Variants in CCDC39 observed in about 807,000 individuals in gnomAD.
CCDC39 encodes the protein coiled-coil domain 39 molecular ruler complex subunit.
A neutral mutation model predicts 121.0 loss-of-function variants in CCDC39; 113 were observed. The observed-to-expected ratio is 0.93, with a 90% CI of 0.80 to 1.09. The LOEUF (loss-of-function observed/expected upper bound fraction) is 1.09. Ranked by LOEUF, CCDC39 falls within the 50% of genes least tolerant of loss-of-function variation. The pLI, the probability that CCDC39 is intolerant of heterozygous loss-of-function variation, is 0.00. For synonymous variants in CCDC39, 349 were observed against 352.2 expected (o/e 0.99, Z 0.10); for missense variants, 1,063 against 1,074.7 (o/e 0.99, Z 0.15).
intron 1 of CCDC39, among the ~76,000 whole-genome samples, chr3:180,674,479 C>T (rs1429411480): frequency 1.3e-5 from 2 of 152,114 alleles, no homozygotes; most frequent in African/African-American, 2.4e-5. Flanking sequence ...TTTCTTTATC[C>T]TGCCTGATTG....
intron 14 of CCDC39, among the ~76,000 whole-genome samples, chr3:180,625,920 CTGGTGTTAG>C (rs1195304096): frequency 6.6e-6 from 1 of 151,880 alleles, no homozygotes; most frequent in East Asian, 1.9e-4. Context: ...TATACTGTCA[CTGGTGTTAG>C]TGGATCCTGG....
intron 7 of CCDC39, among the ~76,000 whole-genome samples, chr3:180,653,068 T>A (rs1711511154): frequency 6.6e-6 from 1 of 152,234 alleles, no homozygotes; most frequent in Non-Finnish European, 1.5e-5. Context: ...ATGGTCATAC[T>A]ATTCAAAGCG....
chr3:180,656,469 T>C (rs574727095), intron 6 of CCDC39, among the ~76,000 whole-genome samples: 49 of 152,360 alleles, frequency 3.2e-4, no homozygotes, highest in African/African-American at 1.2e-3. Context: ...ATGAACTGTT[T>C]TGCAGGAAGA....
rs776301372 is a variant in CCDC39 at position 180,631,565 on chromosome 3, TTTAC to T, written c.1898_1901del (p.Ser633LysfsTer5). The T allele has an allele frequency of 6.2e-7, 1 of 1,608,834 alleles. No homozygotes were observed. The highest frequency in any genetic ancestry group is 8.5e-7 in the Non-Finnish European group (1 of 1,179,304). ...CATATCTATTCTTCAGCTTCTCAAT[TTTAC>T]TTAGCCGCTCGCGAAACTCAGTGCT... On this transcript the variant is annotated frameshift_variant, in exon 14 of 20. Coordinates refer to ENST00000476379, the MANE Select transcript of CCDC39 (RefSeq NM_181426.2). LOFTEE classifies it high-confidence loss of function.
chr3:180,676,837 T>C (rs1171830169), intron 1 of CCDC39, among the ~76,000 whole-genome samples: 1 of 152,022 alleles, frequency 6.6e-6, no homozygotes, highest in Non-Finnish European at 1.5e-5. Context: ...TCATGTCCTT[T>C]GTAGGGACAT....
chr3:180,624,375 A>G (rs1199704273), intron 14 of CCDC39, among the ~76,000 whole-genome samples: 2 of 152,030 alleles, frequency 1.3e-5, no homozygotes, highest in African/African-American at 4.8e-5. Flanking sequence ...CACCATCTAT[A>G]TGTTTTAATT....
chr3:180,644,355 A>G, intron 11 of CCDC39, 98 bp from the exon 12 acceptor site: 1 of 663,784 alleles, frequency 1.5e-6, no homozygotes, highest in Non-Finnish European at 2.4e-6. Flanking sequence ...TAAATTATAT[A>G]CTCAGATATT....
In CCDC39 at chr3:180,616,462, GTTTTTA is replaced by G. The variant is rs1228275415; in HGVS notation, c.2586+48_2586+53del. ...TCACTTCATGATGAATGTCATGAAA[GTTTTTA>G]TTTTCATGAAGTTTTTAAGAAATAT... On this transcript the variant is annotated intron_variant, in intron 18 of 19. Transcript: ENST00000476379. 3.3e-5 allele frequency: 49 copies of G among 1,497,226 alleles called. 1 individual carries two copies. The highest frequency in any genetic ancestry group is 2.5e-4 in the South Asian group (18 of 72,986). 92.7% of individuals were successfully genotyped at this position (1,497,226 alleles called of 1,614,324 possible).
At chr3:180,676,566 A>G (rs983651989) in intron 1 of CCDC39, among the ~76,000 whole-genome samples, 8 of 152,238 alleles carry the variant, frequency 5.3e-5, no homozygotes, top group Non-Finnish European at 8.8e-5. Flanking sequence ...TAGTTCAACC[A>G]TTGTGGAAGA....
At chr3:180,651,763 C>T (rs541504071) in intron 8 of CCDC39, among the ~76,000 whole-genome samples, 25 of 152,158 alleles carry the variant, frequency 1.6e-4, no homozygotes, top group Non-Finnish European at 2.2e-4. Flanking sequence ...GCTGGCCAGG[C>T]GCGGTGGCTC....
At chr3:180,668,008 G>T (rs563919116) in intron 1 of CCDC39, among the ~76,000 whole-genome samples, 1 of 152,148 alleles carries the variant, frequency 6.6e-6, no homozygotes, top group African/African-American at 2.4e-5. Context: ...AGGTTCAGGC[G>T]AAGGCAGGTT....
chr3:180,622,995 G>C (rs529433168), intron 14 of CCDC39, among the ~76,000 whole-genome samples: 3 of 151,826 alleles, frequency 2.0e-5, no homozygotes, highest in Non-Finnish European at 4.4e-5. Context: ...AGGAGGATTT[G>C]TATTAGTTCT....
intron 9 of CCDC39, among the ~76,000 whole-genome samples, 154 bp from the exon 10 acceptor site, chr3:180,648,513 C>CCA (rs910238907): frequency 5.0e-4 from 76 of 152,274 alleles, no homozygotes; most frequent in African/African-American, 1.8e-3. Flanking sequence ...TAACAAGTCC[C>CCA]CAGCATTTCT....
Position 180,631,555 on chromosome 3 carries a change from G to C in CCDC39, c.1912C>G (p.Leu638Val). Residue 638 changes from leucine to valine, a missense_variant, in exon 14 of 20, where the codon CTG (leucine) becomes GTG (valine). Physicochemically the swap from Leu to Val is conservative, Grantham distance 32 (BLOSUM62 1). Coordinates refer to ENST00000476379, the MANE Select transcript of CCDC39 (RefSeq NM_181426.2). The stretch of plus-strand genomic sequence containing the variant: ...GTCAGAATTTCATATCTATTCTTCA[G>C]CTTCTCAATTTTACTTAGCCGCTCG... ...FRERLSKIEKLKNRYEILTVV... is the reference protein window; with the variant it reads ...FRERLSKIEKVKNRYEILTVV... 6.2e-7 allele frequency: 1 copy of C among 1,608,922 alleles called. No individual in the cohort carries two copies. The highest frequency in any genetic ancestry group is 8.5e-7 in the Non-Finnish European group (1 of 1,179,108).
intron 2 of CCDC39, among the ~76,000 whole-genome samples, chr3:180,663,291 T>G (rs1165956007): frequency 6.6e-6 from 1 of 152,228 alleles, no homozygotes; most frequent in Non-Finnish European, 1.5e-5. Context: ...GTTCTGTTTC[T>G]GCTTATAGCC....
At chr3:180,661,377 T>G (rs1711738411) in intron 3 of CCDC39, among the ~76,000 whole-genome samples, 1 of 151,976 alleles carries the variant, frequency 6.6e-6, no homozygotes, top group Non-Finnish European at 1.5e-5. Flanking sequence ...TATATGCACA[T>G]GTAAAGAGAA....
chr3:180,637,859 A>G (rs578098166), intron 13 of CCDC39, among the ~76,000 whole-genome samples: 1 of 152,288 alleles, frequency 6.6e-6, no homozygotes, highest in East Asian at 1.9e-4. Context: ...GTTCTCACTT[A>G]TAAGTGGGAG....
intron 1 of CCDC39, among the ~76,000 whole-genome samples, chr3:180,673,329 C>A (rs542278195): frequency 6.6e-6 from 1 of 152,118 alleles, no homozygotes; most frequent in African/African-American, 2.4e-5. Flanking sequence ...TCTGTTGATG[C>A]GGCAAAGTTC....
intron 1 of CCDC39, among the ~76,000 whole-genome samples, chr3:180,676,418 A>C (rs1218893245): frequency 6.6e-6 from 1 of 152,262 alleles, no homozygotes; most frequent in Non-Finnish European, 1.5e-5. Flanking sequence ...GCCATCAGAG[A>C]AATGCAAATC....
Sources: gnomAD v4.1 joint callset for allele counts (sites outside exome capture counted in the v4.1 genomes callset) on GRCh38, gnomAD v4.1.1 for gene constraint, MANE v1.5 for transcripts, NCBI Gene and HGNC (gene_info 2026-07-23, HGNC 2026-07-21) for gene names.